NIN: variants seen among roughly 807,000 people sequenced by gnomAD.
NIN encodes ninein, also known as glycogen synthase kinase 3 beta-interacting protein.
NIN carries 137 observed loss-of-function variants against 257.6 expected under a neutral mutation model. That is an observed-to-expected ratio of 0.53 (90% CI 0.46 to 0.61). The LOEUF (loss-of-function observed/expected upper bound fraction) is 0.61, where lower values mean the gene tolerates loss of function less well. NIN is among the 20% of genes least tolerant of loss of function. The probability of loss-of-function intolerance (pLI) is 0.00; values close to 1 mark genes in which losing one functional copy is unlikely to be tolerated. For synonymous variants in NIN, 918 were observed against 919.8 expected, an observed-to-expected ratio of 1.00 and a Z score of 0.04; for missense variants, 2,439 against 2,501.2, an observed-to-expected ratio of 0.98 and a Z score of 0.53.
chr14:50,772,920 CAAAG>C, intron 8 of NIN, 25 bp downstream of exon 8: 1 of 1,589,984 alleles, frequency 6.3e-7, no homozygotes, highest in South Asian at 1.2e-5. Flanking sequence ...CTTTTATTCA[CAAAG>C]AAAGCACTTC....
chr14:50,773,054 T>C lies in NIN; in HGVS notation c.708A>G (p.Thr236=). 1.9e-6 allele frequency: 3 copies of C among 1,613,156 alleles called. No individual in the cohort carries two copies. The highest frequency in any genetic ancestry group is 2.5e-6 in the Non-Finnish European group (3 of 1,179,244). The change falls in exon 8 of 31, where the codon ACA becomes ACG. Residue 236 remains threonine (T), a synonymous_variant. Coordinates refer to ENST00000530997, the MANE Select transcript of NIN (RefSeq NM_020921.4). The part of the protein sequence containing the change: ...EVFHNLDPDG[T]MSVEDFFYGL... ...CATAGAAAAAATCTTCTACACTCATTGTACCGTCAGGATCAAGATTATGGA... is the reference window on the plus strand; with the variant it reads ...CATAGAAAAAATCTTCTACACTCATCGTACCGTCAGGATCAAGATTATGGA...
chr14:50,794,236 T>C (rs767179101), intron 4 of NIN, among the ~76,000 whole-genome samples: 25 of 152,208 alleles, frequency 1.6e-4, no homozygotes, highest in Non-Finnish European at 3.1e-4. Flanking sequence ...TCTTCACAAA[T>C]GTGGCCAGAC....
At chr14:50,732,897 A>C (rs2040789909) in intron 28 of NIN, among the ~76,000 whole-genome samples, 1 of 149,538 alleles carries the variant, frequency 6.7e-6, no homozygotes, top group African/African-American at 2.5e-5. Context: ...CCGGCCAATA[A>C]CACTGTTTTT....
At chr14:50,792,668 T>C (rs1224011634) in intron 5 of NIN, 44 bp downstream of exon 5, 1 of 1,610,328 alleles carries the variant, frequency 6.2e-7, no homozygotes, top group East Asian at 2.2e-5. Flanking sequence ...GACGTGGGGC[T>C]CCACACTCAT....
At position 50,760,209 on chromosome 14, in the gene NIN, C is replaced by G; in HGVS notation, c.2047G>C (p.Ala683Pro). The change falls in exon 17 of 31, where the codon GCA (alanine) becomes CCA (proline). Residue 683 changes from alanine to proline, a missense_variant. By Grantham distance (27) the Ala-to-Pro change is conservative. Around this residue, in one of 3 missense-constraint regions of NIN, gnomAD observed 2,043 missense variants for 2,050.2 expected, o/e 1.00. Transcript: ENST00000530997. Reference protein sequence around the residue: ...KNEIAELQGQAAVLKEAHHEA... With the variant: ...KNEIAELQGQPAVLKEAHHEA... The stretch of plus-strand genomic sequence containing the variant: ...TGATGTGCCTCCTTGAGCACTGCTG[C>G]TTGCCCCTGAAGTTCAGCAATTTCA... The G allele has an allele frequency of 6.2e-7, 1 of 1,613,942 alleles. No individual in the cohort carries two copies. Among genetic ancestry groups the G allele is most frequent in the Non-Finnish European group, 8.5e-7 (1 of 1,180,042 alleles).
intron 3 of NIN, among the ~76,000 whole-genome samples, chr14:50,813,777 C>T (rs1242872936): frequency 6.6e-6 from 1 of 152,206 alleles, no homozygotes; most frequent in East Asian, 1.9e-4. Context: ...CAAACTAGCA[C>T]TGAACAAGGT....
rs6572697 is a variant in NIN at position 50,793,083 on chromosome 14, G to A, written c.266-202C>T. On this transcript the variant is annotated intron_variant, in intron 4 of 30. Transcript: ENST00000530997. Reference sequence around the variant, plus strand: ...CTAATTCTGAACGATTTATGGGACCGTGAGTATATATCTGCACATGACGGG... The same window carrying A: ...CTAATTCTGAACGATTTATGGGACCATGAGTATATATCTGCACATGACGGG... Among the ~76,000 whole-genome samples, 25,203 of 152,060 alleles carry A rather than the reference G, an allele frequency of 0.17. 2,365 individuals carry two copies. Among genetic ancestry groups the A allele is most frequent in the Non-Finnish European group, 0.2 (13,416 of 67,978 alleles).
chr14:50,796,037 G>A (rs2043823841), intron 4 of NIN, among the ~76,000 whole-genome samples: 2 of 152,168 alleles, frequency 1.3e-5, no homozygotes, highest in East Asian at 1.9e-4. Flanking sequence ...ATAAATGACT[G>A]CCATGCTTTC....
At chr14:50,775,565 T>C (rs1490045663) in intron 7 of NIN, among the ~76,000 whole-genome samples, 2 of 152,234 alleles carry the variant, frequency 1.3e-5, no homozygotes, top group Non-Finnish European at 2.9e-5. Context: ...TTCACTATTT[T>C]TCTTTAGCAG....
intron 26 of NIN, 132 bp from the exon 27 acceptor site, chr14:50,738,418 T>A (rs748495851): frequency 2.1e-5 from 16 of 763,264 alleles, no homozygotes; most frequent in Non-Finnish European, 3.3e-5. Context: ...AGCCTGTAAA[T>A]ACTTGAAGCT....
At chr14:50,752,404 G>T (rs1373344612) in intron 21 of NIN, 114 bp downstream of exon 21, 2 of 769,168 alleles carry the variant, frequency 2.6e-6, no homozygotes, top group Non-Finnish European at 4.3e-6. Context: ...TCATGTGCCA[G>T]GACCATACTG....
intron 16 of NIN, among the ~76,000 whole-genome samples, chr14:50,760,907 G>A (rs138914437): frequency 2.9e-4 from 44 of 152,130 alleles, no homozygotes; most frequent in African/African-American, 1.0e-3. Flanking sequence ...AGGCTCAAGT[G>A]GTCTGCCCAC....
chr14:50,757,763 A>G lies in NIN; in HGVS notation c.3267T>C (p.Ser1089=). Residue 1089 remains serine (S), a synonymous_variant, in exon 18 of 31, where the codon TCT becomes TCC. Coordinates refer to ENST00000530997, the MANE Select transcript of NIN (RefSeq NM_020921.4). ...ACTTTTGTAGCCTCTGTTGCAATCTAGAAATTTCAGTAGCCATTTTCACAT... is the reference window on the plus strand; with the variant it reads ...ACTTTTGTAGCCTCTGTTGCAATCTGGAAATTTCAGTAGCCATTTTCACAT... The part of the protein sequence containing the change: ...KENVKMATEI[S]RLQQRLQKLE... 1 of 1,614,152 alleles carries G rather than the reference A, an allele frequency of 6.2e-7. No individual in the cohort carries two copies. Among genetic ancestry groups the G allele is most frequent in the Non-Finnish European group, 8.5e-7 (1 of 1,180,032 alleles).
rs1034658460 is a variant in NIN, at chr14:50,734,426, T to C, written c.5877+1090A>G. Among the ~76,000 whole-genome samples the C allele has an allele frequency of 2.0e-5, 3 of 152,292 alleles. No homozygotes were observed. The South Asian group carries it at 6.2e-4, about 32-fold the overall frequency. On this transcript the variant is annotated intron_variant, in intron 28 of 30. Transcript: ENST00000530997. ...CTTATAATTCTGGCTTAACAATATG[T>C]GTATACACAGTACTTTTTAAGAGCA... is the stretch of plus-strand genomic sequence containing the variant.
chr14:50,745,639 G>A (rs1250626757), intron 22 of NIN, among the ~76,000 whole-genome samples: 1 of 152,128 alleles, frequency 6.6e-6, no homozygotes, highest in East Asian at 1.9e-4. Flanking sequence ...AAGTCAGAAG[G>A]ATATAGGAAA....
chr14:50,770,406 G>A lies in NIN; in HGVS notation c.1416C>T (p.Arg472=), dbSNP rs758867111. 12 of 1,614,078 alleles carry A rather than the reference G, an allele frequency of 7.4e-6. No individual in the cohort carries two copies. The highest frequency in any genetic ancestry group is 1.0e-5 in the Non-Finnish European group (12 of 1,180,036). ...TGATTACCTTTAAAGAGAGGGCAAG[G>A]CGGTCCCGGATATAGTTCTCTTCTG... ...AKTEENYIRD[R]LALSLKENSR... is the part of the protein sequence containing the mutation. Residue 472 remains arginine, a synonymous_variant, in exon 12 of 31, where the codon CGC becomes CGT. Transcript: ENST00000530997.
intron 3 of NIN, among the ~76,000 whole-genome samples, chr14:50,811,070 T>TA (rs1283130923): frequency 6.6e-6 from 1 of 151,840 alleles, no homozygotes; most frequent in Non-Finnish European, 1.5e-5. Flanking sequence ...CCATGCTTAG[T>TA]GTTGAGGCAA....
At chr14:50,739,521 C>G (rs755295492) in intron 25 of NIN, 34 bp from the exon 26 acceptor site, 1 of 1,601,546 alleles carries the variant, frequency 6.2e-7, no homozygotes, top group Non-Finnish European at 8.5e-7. Context: ...GCCTTAAAAA[C>G]AAGCTATTGG....
At chr14:50,824,564 G>A (rs2045378643) in intron 2 of NIN, among the ~76,000 whole-genome samples, 1 of 152,180 alleles carries the variant, frequency 6.6e-6, no homozygotes, top group African/African-American at 2.4e-5. Flanking sequence ...ATGTTCATCA[G>A]TAATTTCATG....
Sources: allele counts gnomAD v4.1 joint callset (sites outside exome capture counted in the v4.1 genomes callset), GRCh38; gene constraint gnomAD v4.1.1; regional missense constraint gnomAD v4.1.1; transcripts MANE v1.5; gene names NCBI Gene and HGNC (gene_info 2026-07-23, HGNC 2026-07-21).